The following ALMS1 variants were observed in gnomAD, a reference collection of about 807,000 sequenced individuals.
ALMS1 encodes centrosome-associated protein ALMS1.
Under a neutral mutation model 352.2 loss-of-function variants are expected in ALMS1, and 271 were observed. The ratio of observed to expected loss-of-function variants is 0.77; its 90% CI spans 0.70 to 0.85. The LOEUF (loss-of-function observed/expected upper bound fraction) is 0.85. ALMS1 is among the 40% of genes least tolerant of loss of function. ALMS1 has a pLI of 0.00. For synonymous variants in ALMS1, 1,865 were observed against 1,761.2 expected, an observed-to-expected ratio of 1.06 and a Z score of -1.48; for missense variants, 5,445 against 4,870.7, an observed-to-expected ratio of 1.12 and a Z score of -3.51.
At chr2:73,527,250 T>C (rs1222908120) in intron 11 of ALMS1, among the ~76,000 whole-genome samples, 3 of 151,764 alleles carry the variant, frequency 2.0e-5, no homozygotes, top group African/African-American at 7.2e-5. Flanking sequence ...TTCTCTTTTT[T>C]TTTTTTGGAT....
chr2:73,599,156 G>C (rs1209097170), intron 16 of ALMS1, among the ~76,000 whole-genome samples: 1 of 152,134 alleles, frequency 6.6e-6, no homozygotes, highest in African/African-American at 2.4e-5. Context: ...GTTTTTCCAA[G>C]CCCAGTGAAA....
chr2:73,450,418 C>T lies in ALMS1; in HGVS notation c.3891C>T (p.Tyr1297=). 2 of 1,613,500 alleles carry T rather than the reference C, an allele frequency of 1.2e-6. No individual in the cohort carries two copies. The highest frequency in any genetic ancestry group is 1.7e-4 in the Middle Eastern group (1 of 6,058). The change falls in exon 8 of 23, where the codon TAC becomes TAT. Residue 1297 remains tyrosine, a synonymous_variant. Coordinates refer to ENST00000613296, the MANE Select transcript of ALMS1 (RefSeq NM_001378454.1). ...ATAGAGAGAAGCCCAGCATTTTCTACCAACAGTCGTTGCCAAGTAGTCATC... is the reference window on the plus strand; with the variant it reads ...ATAGAGAGAAGCCCAGCATTTTCTATCAACAGTCGTTGCCAAGTAGTCATC... ...SQYREKPSIF[Y]QQSLPSSHLT... is the part of the protein sequence containing the mutation.
rs781089731 is a variant in ALMS1 at position 73,607,544 on chromosome 2, C to T, written c.12363-931C>T. Among the ~76,000 whole-genome samples the T allele has an allele frequency of 2.5e-4, 38 of 152,024 alleles. 1 individual carries two copies. The highest frequency in any genetic ancestry group is 2.2e-3 in the Admixed American group (34 of 15,238). ...CTTTACGCTCCTTTTTGGGAAGCCT[C>T]GAGTCCATTTTTACCAACACTCATT... On this transcript the variant is annotated intron_variant, in intron 21 of 22. Coordinates refer to ENST00000613296, the MANE Select transcript of ALMS1 (RefSeq NM_001378454.1).
At chr2:73,552,553 A>G (rs1674461668) in intron 13 of ALMS1, among the ~76,000 whole-genome samples, 1 of 152,186 alleles carries the variant, frequency 6.6e-6, no homozygotes, top group South Asian at 2.1e-4. Flanking sequence ...CCCAGGCTTC[A>G]TTTGGTAAGG....
At chr2:73,423,193 AAT>A (rs1671316907) in intron 4 of ALMS1, among the ~76,000 whole-genome samples, 2 of 152,228 alleles carry the variant, frequency 1.3e-5, no homozygotes, top group Admixed American at 1.3e-4. Context: ...TTTATTTAAA[AAT>A]AATTCCTAAT....
intron 11 of ALMS1, among the ~76,000 whole-genome samples, chr2:73,521,616 G>A (rs1401197063): frequency 6.6e-6 from 1 of 150,842 alleles, no homozygotes. Flanking sequence ...CGGACACTGT[G>A]GCGGGTGCCT....
Position 73,539,968 on chromosome 2 carries a change from C to T in ALMS1, c.9907+5019C>T, listed in dbSNP as rs931714796. 3.0e-4 allele frequency among the ~76,000 whole-genome samples: 46 copies of T among 152,164 alleles called. 1 individual carries two copies. The highest frequency in any genetic ancestry group is 8.8e-5 in the Non-Finnish European group (6 of 68,034). On this transcript the variant is annotated intron_variant, in intron 12 of 22. Coordinates refer to ENST00000613296, the MANE Select transcript of ALMS1 (RefSeq NM_001378454.1). ...CTCTGCAGGATATTATCCAGGAGAA[C>T]TTCCCCAATCTAGCAAGGCAGGCCA...
chr2:73,522,147 T>C (rs1038703199), intron 11 of ALMS1, among the ~76,000 whole-genome samples: 1 of 152,208 alleles, frequency 6.6e-6, no homozygotes, highest in Admixed American at 6.5e-5. Context: ...AACAAAGTTC[T>C]TGAGAACTTC....
chr2:73,467,450 A>G (rs1042896108), intron 9 of ALMS1, among the ~76,000 whole-genome samples: 5 of 152,090 alleles, frequency 3.3e-5, no homozygotes, highest in South Asian at 2.1e-4. Flanking sequence ...AAAAAGAACA[A>G]TGCTAAATAT....
intron 1 of ALMS1, among the ~76,000 whole-genome samples, chr2:73,399,087 G>A (rs181507720): frequency 6.6e-6 from 1 of 152,104 alleles, no homozygotes; most frequent in Non-Finnish European, 1.5e-5. Flanking sequence ...TCCTGACCTT[G>A]TGATCTGCCC....
chr2:73,596,415 CAT>C (rs1449013847), intron 16 of ALMS1, among the ~76,000 whole-genome samples: 4 of 151,078 alleles, frequency 2.6e-5, no homozygotes, highest in Admixed American at 6.6e-5. Context: ...TAATTGATCA[CAT>C]ATGTAAGGCT....
At chr2:73,602,718 C>T (rs1442176654) in intron 20 of ALMS1, among the ~76,000 whole-genome samples, 1 of 152,186 alleles carries the variant, frequency 6.6e-6, no homozygotes, top group Non-Finnish European at 1.5e-5. Context: ...ATAATAAACA[C>T]ATAGTCCTTA....
chr2:73,573,290 CGAATT>C lies in ALMS1; in HGVS notation c.11414_11418del (p.Arg3805GlnfsTer4), dbSNP rs2104108070. ...TGAAAGAGTATGCTTGTCACCCAGA[CGAATT>C]AAATTATATAGCAGCATCACCAACC... is the stretch of plus-strand genomic sequence containing the variant. On this transcript the variant is annotated frameshift_variant, in exon 16 of 23. Coordinates refer to ENST00000613296, the MANE Select transcript of ALMS1 (RefSeq NM_001378454.1). LOFTEE classifies it high-confidence loss of function. 6.2e-7 allele frequency: 1 copy of C among 1,614,066 alleles called. No homozygotes were observed. Among genetic ancestry groups the C allele is most frequent in the Non-Finnish European group, 8.5e-7 (1 of 1,179,990 alleles).
intron 16 of ALMS1, among the ~76,000 whole-genome samples, chr2:73,574,010 G>T (rs150620858): frequency 1.3e-5 from 2 of 152,110 alleles, no homozygotes; most frequent in African/African-American, 2.4e-5. Flanking sequence ...GGATGTGGTC[G>T]CTAGAAAAGA....
At chr2:73,467,116 A>G (rs1572950484) in intron 9 of ALMS1, among the ~76,000 whole-genome samples, 2 of 32,376 alleles carry the variant, frequency 6.2e-5, no homozygotes, top group East Asian at 5.2e-4. Context: ...ACAAAAATAC[A>G]CTTCATAAAA....
chr2:73,452,564 G>A lies in ALMS1; in HGVS notation c.6037G>A (p.Ala2013Thr). Residue 2013 changes from alanine (A) to threonine (T), a missense_variant, in exon 8 of 23, where the codon GCA (alanine) becomes ACA (threonine). Transcript: ENST00000613296. ...AGATGACCAGAAAACTGAGTTTCCAGCAGCTACCCTTAGTTCCTACTCACA... is the reference window on the plus strand; with the variant it reads ...AGATGACCAGAAAACTGAGTTTCCAACAGCTACCCTTAGTTCCTACTCACA... ...IPDDQKTEFP[A>T]ATLSSYSQIE... 6.2e-7 allele frequency: 1 copy of A among 1,614,018 alleles called. No homozygotes were observed. The highest frequency in any genetic ancestry group is 2.2e-5 in the East Asian group (1 of 44,868).
chr2:73,572,380 G>A lies in ALMS1; in HGVS notation c.10503G>A (p.Leu3501=). 1 of 1,609,252 alleles carries A rather than the reference G, an allele frequency of 6.2e-7. No homozygotes were observed. Among genetic ancestry groups the A allele is most frequent in the Non-Finnish European group, 8.5e-7 (1 of 1,178,238 alleles). ...ATCAAGATATTTGCCATGAATCTTTGGGAAAGAGTGTTTTCATGAGACATT... is the reference window on the plus strand; with the variant it reads ...ATCAAGATATTTGCCATGAATCTTTAGGAAAGAGTGTTTTCATGAGACATT... ...PSDQDICHES[L]GKSVFMRHSW... The change falls in exon 16 of 23, where the codon TTG becomes TTA. Residue 3501 remains leucine, a synonymous_variant. Coordinates refer to ENST00000613296, the MANE Select transcript of ALMS1 (RefSeq NM_001378454.1).
chr2:73,388,422 A>G (rs943788132), intron 1 of ALMS1, among the ~76,000 whole-genome samples: 1 of 152,000 alleles, frequency 6.6e-6, no homozygotes, highest in African/African-American at 2.4e-5. Flanking sequence ...TTGATAGGTA[A>G]TTTTTCAGCC....
rs757146073 is a variant in ALMS1 at position 73,572,832 on chromosome 2, A to T, written c.10955A>T (p.Asp3652Val). The change falls in exon 16 of 23, where the codon GAT (aspartate) becomes GTT (valine). Residue 3652 changes from aspartate to valine, a missense_variant. Asp to Val is a radical substitution (Grantham distance 152). Coordinates refer to ENST00000613296, the MANE Select transcript of ALMS1 (RefSeq NM_001378454.1). ...HSLQVSESTH[D>V]DSRGERSVKE... Reference sequence around the variant, plus strand: ...CTCCAGGTCTCAGAAAGTACACATGATGATAGCAGAGGGGAACGAAGTGTG... The same window carrying T: ...CTCCAGGTCTCAGAAAGTACACATGTTGATAGCAGAGGGGAACGAAGTGTG... 6.2e-7 allele frequency: 1 copy of T among 1,614,092 alleles called. No individual in the cohort carries two copies. The highest frequency in any genetic ancestry group is 1.1e-5 in the South Asian group (1 of 91,072).
Sources: allele counts gnomAD v4.1 joint callset (sites outside exome capture counted in the v4.1 genomes callset), GRCh38; gene constraint gnomAD v4.1.1; transcripts MANE v1.5; gene names NCBI Gene and HGNC (gene_info 2026-07-23, HGNC 2026-07-21).